DSE: variants seen among roughly 807,000 people sequenced by gnomAD.
DSE encodes the protein dermatan-sulfate epimerase.
DSE carries 36 observed loss-of-function variants against 84.4 expected under a neutral mutation model. That is an observed-to-expected ratio of 0.43 (90% CI 0.33 to 0.56). The LOEUF (loss-of-function observed/expected upper bound fraction) is 0.56. DSE is among the 20% of genes least tolerant of loss of function. The pLI, the probability that DSE is intolerant of heterozygous loss-of-function variation, is 0.06. For missense variants in DSE, 862 were observed against 1,169.6 expected, an observed-to-expected ratio of 0.74 and a Z score of 3.84; for synonymous variants, 410 against 430.1, an observed-to-expected ratio of 0.95 and a Z score of 0.58.
intron 2 of DSE, among the ~76,000 whole-genome samples, chr6:116,286,389 A>C (rs182770601): frequency 6.6e-6 from 1 of 152,264 alleles, no homozygotes. Context: ...ATCCACAAGC[A>C]TATTAATATA....
intron 1 of DSE, among the ~76,000 whole-genome samples, chr6:116,388,119 C>G (rs1179569183): frequency 6.6e-6 from 1 of 152,050 alleles, no homozygotes; most frequent in Non-Finnish European, 1.5e-5. Flanking sequence ...TGGGAATTGG[C>G]CATTATGGGA....
At chr6:116,285,062 A>G (rs1426388614) in intron 2 of DSE, among the ~76,000 whole-genome samples, 2 of 152,106 alleles carry the variant, frequency 1.3e-5, no homozygotes, top group East Asian at 1.9e-4. Context: ...GTCAAATGGT[A>G]TTTCTAGTTC....
intron 2 of DSE, among the ~76,000 whole-genome samples, chr6:116,324,896 G>GT (rs1459236884): frequency 1.3e-5 from 2 of 152,156 alleles, no homozygotes; most frequent in East Asian, 1.9e-4. Context: ...GTGCTTTTAA[G>GT]TTTTCTCTGA....
In DSE at chr6:116,438,884, T is replaced by C. The variant is rs1286047025; in HGVS notation, c.*1539T>C. 6.6e-6 allele frequency: 1 copy of C among 152,234 alleles called. No individual in the cohort carries two copies. The highest frequency in any genetic ancestry group is 1.9e-4 in the East Asian group (1 of 5,208). 9.4% of individuals were successfully genotyped at this position (152,234 alleles called of 1,614,324 possible). A position where few individuals can be genotyped will look rare whatever the true frequency, so the allele number is the denominator to read the frequency against. On this transcript the variant is annotated 3_prime_UTR_variant, in exon 6 of 6. Coordinates refer to ENST00000644252, the MANE Select transcript of DSE (RefSeq NM_013352.4). ...CATAAAGAAAACACAAGTTTGACTT[T>C]TAACTGTGCTTCACTTATTATGCTT...
chr6:116,363,365 CAT>C (rs141113507), intron 2 of DSE, among the ~76,000 whole-genome samples: 15,322 of 149,958 alleles, frequency 0.1, 893 homozygotes, highest in African/African-American at 0.17. Context: ...TATATATACA[CAT>C]GTGTGTGCTT....
Position 116,439,235 on chromosome 6 carries a change from C to G in DSE, c.*1890C>G, listed in dbSNP as rs1411917578. ...TTACCAAGCAAACCTGATCTCAGAT[C>G]CAAACTGAGACATACTTTCTAACAG... On this transcript the variant is annotated 3_prime_UTR_variant, in exon 6 of 6. Coordinates refer to ENST00000644252, the MANE Select transcript of DSE (RefSeq NM_013352.4). The G allele has an allele frequency of 6.6e-6, 1 of 152,078 alleles. No homozygotes were observed. Among genetic ancestry groups the G allele is most frequent in the South Asian group, 2.1e-4 (1 of 4,824 alleles). The allele number at this position is 152,078 out of a possible 1,614,324, so 9.4% of individuals were successfully genotyped here.
rs1583223359 is a variant in DSE at position 116,428,715 on chromosome 6, A to T, written c.670+1888A>T. 4.6e-5 allele frequency among the ~76,000 whole-genome samples: 7 copies of T among 152,362 alleles called. 3 individuals carry two copies. Among genetic ancestry groups the T allele is most frequent in the Admixed American group, 4.6e-4 (7 of 15,310 alleles). On this transcript the variant is annotated intron_variant, in intron 3 of 5. Coordinates refer to ENST00000644252, the MANE Select transcript of DSE (RefSeq NM_013352.4). ...ATAGTTACAGTAACCCCAGAGAGTG[A>T]AATAAAAGATACCATGAAAAGCGTT...
In DSE at chr6:116,378,205, A is replaced by G. The variant is rs74928791; in HGVS notation, c.-54+7084A>G. On this transcript the variant is annotated intron_variant, in intron 1 of 5. Coordinates refer to ENST00000644252, the MANE Select transcript of DSE (RefSeq NM_013352.4). ...AGAAGGATTTATGGTAAATACAGGG[A>G]AGTTTTTCTGAATGCTTTTATCCTT... 8.1e-3 allele frequency among the ~76,000 whole-genome samples: 1,234 copies of G among 152,322 alleles called. 22 individuals are homozygous for G. Among genetic ancestry groups the G allele is most frequent in the African/African-American group, 0.028 (1,178 of 41,564 alleles).
At chr6:116,315,177 C>CTGAA (rs1775895854) in intron 2 of DSE, among the ~76,000 whole-genome samples, 1 of 152,164 alleles carries the variant, frequency 6.6e-6, no homozygotes, top group South Asian at 2.1e-4. Flanking sequence ...CTAACACTTA[C>CTGAA]TGAACATTAT....
intron 2 of DSE, among the ~76,000 whole-genome samples, chr6:116,283,704 C>G (rs376415709): frequency 4.6e-5 from 7 of 152,198 alleles, no homozygotes; most frequent in African/African-American, 1.7e-4. Flanking sequence ...CCACCACACA[C>G]GGCTAATTTT....
chr6:116,377,093 T>C (rs1450805269), intron 1 of DSE, among the ~76,000 whole-genome samples: 1 of 152,218 alleles, frequency 6.6e-6, no homozygotes, highest in African/African-American at 2.4e-5. Context: ...ATTGAATAGG[T>C]ATACAGTCAG....
Position 116,436,259 on chromosome 6 carries a change from T to C in DSE, c.1791T>C (p.Thr597=), listed in dbSNP as rs752384613. ...FHNVDVPFEE[T]VVDGVHGAFI... is the part of the protein sequence containing the mutation. ...ATGTGGATGTTCCTTTTGAGGAGAC[T>C]GTGGTAGATGGTGTCCATGGGGCTT... Residue 597 remains threonine (T), a synonymous_variant, in exon 6 of 6, where the codon ACT becomes ACC. Transcript: ENST00000644252. 1 of 1,614,108 alleles carries C rather than the reference T, an allele frequency of 6.2e-7. No individual in the cohort carries two copies. Among genetic ancestry groups the C allele is most frequent in the Non-Finnish European group, 8.5e-7 (1 of 1,180,012 alleles).
chr6:116,312,039 C>T (rs1191304037), intron 2 of DSE, among the ~76,000 whole-genome samples: 1 of 152,034 alleles, frequency 6.6e-6, no homozygotes, highest in Non-Finnish European at 1.5e-5. Context: ...GTAGAAGTAC[C>T]ACCATATGCT....
chr6:116,305,907 G>A (rs1775316313), intron 2 of DSE, among the ~76,000 whole-genome samples: 1 of 152,178 alleles, frequency 6.6e-6, no homozygotes, highest in Admixed American at 6.5e-5. Context: ...CTCCCAAAGT[G>A]CTGGGATTAC....
intron 2 of DSE, among the ~76,000 whole-genome samples, chr6:116,264,690 T>C (rs6903913): frequency 0.28 from 42,860 of 152,006 alleles, 7,300 homozygotes; most frequent in East Asian, 0.68. Flanking sequence ...ATTTTTTTCT[T>C]ATCTTTGTGG....
chr6:116,273,417 G>A (rs1772970864), intron 2 of DSE, among the ~76,000 whole-genome samples: 2 of 152,112 alleles, frequency 1.3e-5, no homozygotes. Flanking sequence ...GGATTAAGAT[G>A]GCCCTTCAGA....
At chr6:116,280,675 C>T (rs987543394) in intron 2 of DSE, among the ~76,000 whole-genome samples, 4 of 152,142 alleles carry the variant, frequency 2.6e-5, no homozygotes, top group African/African-American at 9.7e-5. Context: ...CAGCTGAGTT[C>T]ATTAGAGGGG....
chr6:116,402,217 G>C (rs1781642219), intron 2 of DSE, among the ~76,000 whole-genome samples: 1 of 152,178 alleles, frequency 6.6e-6, no homozygotes. Context: ...GCTCAGAATT[G>C]AGTGTGTGGA....
chr6:116,316,826 C>CTATTAT (rs5879374), intron 2 of DSE, among the ~76,000 whole-genome samples: 2,547 of 145,842 alleles, frequency 0.017, 24 homozygotes, highest in Non-Finnish European at 0.027. Flanking sequence ...ACTACTACTA[C>CTATTAT]TATTATTATT....
Sources: allele counts gnomAD v4.1 joint callset (sites outside exome capture counted in the v4.1 genomes callset), GRCh38; gene constraint gnomAD v4.1.1; transcripts MANE v1.5; gene names NCBI Gene and HGNC (gene_info 2026-07-23, HGNC 2026-07-21).